DNAH9: variants seen among roughly 807,000 people sequenced by gnomAD.
DNAH9 encodes dynein axonemal heavy chain 9.
In DNAH9, 345 loss-of-function variants were observed where a neutral mutation model predicts 471.6. The ratio of observed to expected loss-of-function variants is 0.73; its 90% CI spans 0.67 to 0.80. The LOEUF is 0.80. Among genes scored for constraint, DNAH9 ranks in the 30% least tolerant of loss-of-function variants. DNAH9 has a pLI of 0.00. For synonymous variants in DNAH9, 2,093 were observed against 2,123.6 expected, an observed-to-expected ratio of 0.99 and a Z score of 0.40; for missense variants, 5,407 against 5,609.2, an observed-to-expected ratio of 0.96 and a Z score of 1.15.
rs2075491882 is a variant in DNAH9, at chr17:11,744,796, G to A, written c.6112-1G>A. ...TCACTTTGATCTAACACTGCCCACAGGATCACTACGACTGGGGCCTACGGG... is the reference window on the plus strand; with the variant it reads ...TCACTTTGATCTAACACTGCCCACAAGATCACTACGACTGGGGCCTACGGG... On this transcript the variant is annotated splice_acceptor_variant, in intron 30 of 68. Coordinates refer to ENST00000262442, the MANE Select transcript of DNAH9 (RefSeq NM_001372.4). LOFTEE classifies it high-confidence loss of function. The A allele has an allele frequency of 1.9e-6, 3 of 1,609,920 alleles. No individual in the cohort carries two copies. The highest frequency in any genetic ancestry group is 1.7e-6 in the Non-Finnish European group (2 of 1,177,174).
intron 22 of DNAH9, among the ~76,000 whole-genome samples, chr17:11,698,830 C>G (rs996387614): frequency 6.8e-6 from 1 of 147,000 alleles, no homozygotes; most frequent in Admixed American, 6.8e-5. Context: ...TGTAGAGGAC[C>G]TCTACTCCTC....
At chr17:11,942,814 C>T (rs775309526) in intron 67 of DNAH9, among the ~76,000 whole-genome samples, 1 of 152,056 alleles carries the variant, frequency 6.6e-6, no homozygotes, top group South Asian at 2.1e-4. Flanking sequence ...CTGTTCACTC[C>T]GATGACAGGA....
In DNAH9 at chr17:11,747,862, T is replaced by C. The variant is rs537913012; in HGVS notation, c.6610+96T>C. 7.9e-6 allele frequency: 9 copies of C among 1,141,998 alleles called. No individual in the cohort carries two copies. In the African/African-American group the frequency reaches 1.4e-4, roughly 17 times the overall value. 70.7% of individuals were successfully genotyped at this position (1,141,998 alleles called of 1,614,324 possible). A position where few individuals can be genotyped will look rare whatever the true frequency, so the allele number is the denominator to read the frequency against. On this transcript the variant is annotated intron_variant, in intron 32 of 68. Transcript: ENST00000262442. Reference sequence around the variant, plus strand: ...TTGGGTGAATTGCAGAAGCAAACATTGGACTGATCTGTTTGGAACCGCGGA... The same window carrying C: ...TTGGGTGAATTGCAGAAGCAAACATCGGACTGATCTGTTTGGAACCGCGGA...
intron 43 of DNAH9, among the ~76,000 whole-genome samples, chr17:11,799,427 C>T (rs1209362553): frequency 2.0e-5 from 3 of 151,644 alleles, no homozygotes; most frequent in Non-Finnish European, 2.9e-5. Flanking sequence ...AGTGCAGTGG[C>T]GTGATCTCAG....
At chr17:11,919,276 A>T (rs145283353) in intron 61 of DNAH9, among the ~76,000 whole-genome samples, 1 of 151,808 alleles carries the variant, frequency 6.6e-6, no homozygotes, top group Non-Finnish European at 1.5e-5. Context: ...CGAGCAGATC[A>T]CAAGGTCAGG....
At chr17:11,611,819 C>G (rs768043824) in intron 4 of DNAH9, 39 bp downstream of exon 4, 4 of 1,607,886 alleles carry the variant, frequency 2.5e-6, no homozygotes, top group Non-Finnish European at 2.6e-6. Context: ...GTGTTTGACT[C>G]AAGTTACCGT....
rs148099576 is a variant in DNAH9, at chr17:11,618,932, C to T, written c.1117-616C>T. Among the ~76,000 whole-genome samples, 89 of 152,284 alleles carry T rather than the reference C, an allele frequency of 5.8e-4. No homozygotes were observed. In the East Asian group the frequency reaches 0.016, roughly 27 times the overall value. ...CTAGGCTAGTGCCTTTCCATTACTC[C>T]ATGTTTATCAGCCAGAACTCTTTTG... On this transcript the variant is annotated intron_variant, in intron 5 of 68. Transcript: ENST00000262442.
chr17:11,671,777 G>T (rs959137604), intron 17 of DNAH9, among the ~76,000 whole-genome samples: 4 of 152,244 alleles, frequency 2.6e-5, no homozygotes, highest in Admixed American at 6.5e-5. Flanking sequence ...ACAGGACGTG[G>T]TAACAGCAGC....
intron 31 of DNAH9, 86 bp downstream of exon 31, chr17:11,745,170 GGTT>G (rs1349769314): frequency 4.2e-6 from 5 of 1,190,378 alleles, no homozygotes; most frequent in Non-Finnish European, 6.0e-6. Context: ...TAATCCAAAG[GGTT>G]GTTTTAGATG....
chr17:11,727,733 A>T, intron 27 of DNAH9, 85 bp from the exon 28 acceptor site: 1 of 870,678 alleles, frequency 1.1e-6, no homozygotes, highest in Non-Finnish European at 1.9e-6. Context: ...AGAAGTATCT[A>T]TAATAAAGGG....
chr17:11,763,459 A>ATCCCAGAG lies in DNAH9; in HGVS notation c.7016_7023dup (p.Gln2342SerfsTer18), dbSNP rs1450461718. 6 of 1,613,990 alleles carry ATCCCAGAG rather than the reference A, an allele frequency of 3.7e-6. No homozygotes were observed. Among genetic ancestry groups the ATCCCAGAG allele is most frequent in the Non-Finnish European group, 5.1e-6 (6 of 1,179,958 alleles). On this transcript the variant is annotated frameshift_variant, in exon 36 of 69. Coordinates refer to ENST00000262442, the MANE Select transcript of DNAH9 (RefSeq NM_001372.4). LOFTEE classifies it high-confidence loss of function. ...TTGCAGGTTTAAGAAGATCATTCCC[A>ATCCCAGAG]TCCCAGAGCAGAGCATGGTTCAGAT... is the stretch of plus-strand genomic sequence containing the variant.
At chr17:11,829,241 AAG>A (rs1237009937) in intron 48 of DNAH9, among the ~76,000 whole-genome samples, 2 of 152,196 alleles carry the variant, frequency 1.3e-5, no homozygotes, top group South Asian at 4.1e-4. Flanking sequence ...GTATAAGGCT[AAG>A]GACTTGAGTT....
chr17:11,933,035 A>G (rs920255778), intron 64 of DNAH9, among the ~76,000 whole-genome samples: 1 of 152,188 alleles, frequency 6.6e-6, no homozygotes, highest in Non-Finnish European at 1.5e-5. Context: ...TTCTGTCTCC[A>G]GCCCTTGGGC....
chr17:11,666,372 G>A (rs1209264553), intron 15 of DNAH9, among the ~76,000 whole-genome samples: 3 of 152,156 alleles, frequency 2.0e-5, no homozygotes, highest in Admixed American at 6.5e-5. Flanking sequence ...TGGGCTATCC[G>A]ATGTGCCATG....
chr17:11,834,945 G>A lies in DNAH9; in HGVS notation c.9507+47G>A, dbSNP rs1970799524. ...CCTGCTCATCCCTCAGGGGCTGGTA[G>A]ACGCAGAGACCACCTTGGCATTCCC... On this transcript the variant is annotated intron_variant, in intron 49 of 68. Coordinates refer to ENST00000262442, the MANE Select transcript of DNAH9 (RefSeq NM_001372.4). 2.5e-6 allele frequency: 4 copies of A among 1,588,384 alleles called. No homozygotes were observed. In the East Asian group the frequency reaches 9.0e-5, roughly 36 times the overall value.
intron 49 of DNAH9, among the ~76,000 whole-genome samples, chr17:11,844,889 T>A (rs1971160347): frequency 6.6e-6 from 1 of 152,194 alleles, no homozygotes; most frequent in African/African-American, 2.4e-5. Context: ...GATTTGCATT[T>A]CTCTAATGAT....
chr17:11,598,896 T>C lies in DNAH9; in HGVS notation c.398T>C (p.Leu133Pro), dbSNP rs1021161116. 3 of 1,534,144 alleles carry C rather than the reference T, an allele frequency of 2.0e-6. No homozygotes were observed. The highest frequency in any genetic ancestry group is 2.6e-6 in the Non-Finnish European group (3 of 1,147,924). The change falls in exon 1 of 69, where the codon CTA (leucine) becomes CCA (proline). Residue 133 changes from leucine (L) to proline (P), a missense_variant. Transcript: ENST00000262442. Reference protein sequence around the residue: ...GDLPAAPLEHLAALFSEVVLP... With the variant: ...GDLPAAPLEHPAALFSEVVLP... ...CTGCCCGCGGCACCTCTGGAGCACC[T>C]AGCCGCGCTGTTCTCGGAGGTGAGG...
At position 11,769,329 on chromosome 17, in the gene DNAH9, G is replaced by T; in HGVS notation, c.7552G>T (p.Ala2518Ser). The T allele has an allele frequency of 1.9e-6, 3 of 1,608,664 alleles. No homozygotes were observed. The highest frequency in any genetic ancestry group is 2.5e-6 in the Non-Finnish European group (3 of 1,177,660). ...CTACACCACGTCAGCAATGCTGCAG[G>T]GTAAGCAGCCCAGGGCACCTGGGGT... is the stretch of plus-strand genomic sequence containing the variant. ...NYYTTSAMLQ[A>S]VLEKPLEKKA... is the part of the protein sequence containing the mutation. The change falls in exon 38 of 69, where the codon GCT becomes TCT. Residue 2518 changes from alanine to serine, a missense_variant and splice_region_variant. Ala to Ser is a moderately conservative substitution (Grantham distance 99). Coordinates refer to ENST00000262442, the MANE Select transcript of DNAH9 (RefSeq NM_001372.4).
At chr17:11,631,640 CAAA>C (rs112063494) in intron 7 of DNAH9, among the ~76,000 whole-genome samples, 1 of 114,800 alleles carries the variant, frequency 8.7e-6, no homozygotes, top group East Asian at 3.1e-4. Flanking sequence ...GACTCTGTCT[CAAA>C]AAAAAAAAAA....
Sources: gnomAD v4.1 joint callset for allele counts (sites outside exome capture counted in the v4.1 genomes callset) on GRCh38, gnomAD v4.1.1 for gene constraint, MANE v1.5 for transcripts, NCBI Gene and HGNC (gene_info 2026-07-23, HGNC 2026-07-21) for gene names.